SMG9: variants seen among roughly 807,000 people sequenced by gnomAD.
The protein encoded by SMG9 is nonsense-mediated mRNA decay factor SMG9.
Under a neutral mutation model 64.0 loss-of-function variants are expected in SMG9, and 55 were observed. The ratio of observed to expected loss-of-function variants is 0.86; its 90% CI spans 0.69 to 1.08. The LOEUF is 1.08. Among genes scored for constraint, SMG9 ranks in the 50% least tolerant of loss-of-function variants. The probability of loss-of-function intolerance (pLI) is 0.00; values close to 1 mark genes in which losing one functional copy is unlikely to be tolerated. For synonymous variants in SMG9, 244 were observed against 254.8 expected, an observed-to-expected ratio of 0.96 and a Z score of 0.41; for missense variants, 554 against 681.3, an observed-to-expected ratio of 0.81 and a Z score of 2.08.
At chr19:43,733,944 T>C in intron 10 of SMG9, 1 of 589,342 alleles carries the variant, frequency 1.7e-6, no homozygotes, top group East Asian at 2.8e-5. Flanking sequence ...CCTAGTCTCT[T>C]TGAGGCCCTA....
rs144990245 is a variant in SMG9, at chr19:43,753,650, G to A, written c.-7+1004C>T. On this transcript the variant is annotated intron_variant, in intron 1 of 13. Transcript: ENST00000270066. ...TAAGTTTTGCATTTTCAGTAGAGAC[G>A]GGGTTTCGCCATGTTGGCCAGGCTG... Among the ~76,000 whole-genome samples the A allele has an allele frequency of 1.0e-2, 1,514 of 151,904 alleles. 20 individuals are homozygous for A. Among genetic ancestry groups the A allele is most frequent in the African/African-American group, 0.033 (1,362 of 41,440 alleles).
chr19:43,733,994 T>C (rs907971836), intron 10 of SMG9: 22 of 561,796 alleles, frequency 3.9e-5, no homozygotes, highest in Non-Finnish European at 3.8e-5. Context: ...TGAAGAAGAG[T>C]AGAGCGGAGA....
rs755738391 is a variant in SMG9 at position 43,731,726 on chromosome 19, A to G, written c.1485-52T>C. On this transcript the variant is annotated intron_variant, in intron 13 of 13. Coordinates refer to ENST00000270066, the MANE Select transcript of SMG9 (RefSeq NM_019108.4). ...GCCTGGCCGGGGCTCCCCCCAGCCC[A>G]GCACCAACCCGGGACAGGTGGAGAA... 1.9e-6 allele frequency: 3 copies of G among 1,611,116 alleles called. No individual in the cohort carries two copies. The Middle Eastern group carries it at 5.0e-4, about 266-fold the overall frequency.
intron 4 of SMG9, 46 bp from the exon 5 acceptor site, chr19:43,747,585 G>A: frequency 6.2e-7 from 1 of 1,614,134 alleles, no homozygotes; most frequent in South Asian, 1.1e-5. Flanking sequence ...GTGAGGATCT[G>A]TGAGGAGACG....
In SMG9 at chr19:43,740,197, CTG is replaced by C; in HGVS notation, c.721_722del (p.Gln241GlufsTer3). Reference protein sequence around the residue: ...EDQRTYVFRAQSAEMKERGGN... With the variant: ...EDQRTYVFRAXSAEMKERGGN... The stretch of plus-strand genomic sequence containing the variant: ...CCCCTCGTTCCTTCATTTCAGCGCT[CTG>C]GGCCCGGAAAACATAAGTCCTGTGG... On this transcript the variant is annotated frameshift_variant, in exon 7 of 14. Transcript: ENST00000270066. LOFTEE classifies it high-confidence loss of function. The C allele has an allele frequency of 1.2e-6, 2 of 1,614,016 alleles. No individual in the cohort carries two copies. The highest frequency in any genetic ancestry group is 1.7e-6 in the Non-Finnish European group (2 of 1,179,928).
chr19:43,731,706 G>A (rs1188649490), intron 13 of SMG9, 32 bp from the exon 14 acceptor site: 1 of 1,613,836 alleles, frequency 6.2e-7, no homozygotes. Flanking sequence ...GGGCTGCCTG[G>A]CCGGGGCTCC....
chr19:43,734,251 G>T, intron 10 of SMG9, 138 bp downstream of exon 10: 2 of 654,012 alleles, frequency 3.1e-6, no homozygotes, highest in Admixed American at 2.7e-5. Context: ...TTTTGACTTT[G>T]CTCCTCACAA....
In SMG9 at chr19:43,728,188, T is replaced by TG. The variant is rs1968363203; in HGVS notation, c.*3407dup. 1 of 152,208 alleles carries TG rather than the reference T, an allele frequency of 6.6e-6. No individual in the cohort carries two copies. The highest frequency in any genetic ancestry group is 2.4e-5 in the African/African-American group (1 of 41,422). 9.4% of individuals were successfully genotyped at this position (152,208 alleles called of 1,614,324 possible). The stretch of plus-strand genomic sequence containing the variant: ...ACTTGTAGTTTGTAGTCACCACTGT[T>TG]GGAGGTGGGGCCTGGCGGGAGGGAC... On this transcript the variant is annotated 3_prime_UTR_variant, in exon 14 of 14. Transcript: ENST00000270066.
chr19:43,735,320 C>T (rs1396988840), intron 9 of SMG9, among the ~76,000 whole-genome samples: 7 of 152,124 alleles, frequency 4.6e-5, no homozygotes, highest in African/African-American at 1.2e-4. Flanking sequence ...GATACAGCTG[C>T]TATAAACATC....
intron 9 of SMG9, among the ~76,000 whole-genome samples, chr19:43,735,194 T>C (rs1968617128): frequency 1.3e-5 from 2 of 152,236 alleles, no homozygotes; most frequent in Non-Finnish European, 2.9e-5. Flanking sequence ...TATGGTGAGA[T>C]AGCTCATTTC....
intron 1 of SMG9, among the ~76,000 whole-genome samples, chr19:43,752,539 C>T (rs1453982771): frequency 6.6e-6 from 1 of 152,200 alleles, no homozygotes; most frequent in Non-Finnish European, 1.5e-5. Context: ...GATGCAATGG[C>T]AGAGCTGAGA....
chr19:43,731,547 T>G lies in SMG9; in HGVS notation c.*49A>C. On this transcript the variant is annotated 3_prime_UTR_variant, in exon 14 of 14. Coordinates refer to ENST00000270066, the MANE Select transcript of SMG9 (RefSeq NM_019108.4). ...GATGGACATCTGTGCTCCCTCGCAG[T>G]ACACTGCGGACCCAGGAGGTCCCCT... 2 of 1,613,050 alleles carry G rather than the reference T, an allele frequency of 1.2e-6. No homozygotes were observed. The highest frequency in any genetic ancestry group is 1.7e-6 in the Non-Finnish European group (2 of 1,179,308).
At chr19:43,749,206 G>A (rs898463440) in intron 2 of SMG9, among the ~76,000 whole-genome samples, 5 of 152,180 alleles carry the variant, frequency 3.3e-5, no homozygotes, top group Admixed American at 2.0e-4. Flanking sequence ...ATAACCAGGC[G>A]GCAGAATGTA....
chr19:43,752,902 T>TAAAAAAAAAAA (rs775445159), intron 1 of SMG9, among the ~76,000 whole-genome samples: 3,596 of 95,266 alleles, frequency 0.038, 124 homozygotes, highest in Middle Eastern at 0.089. Context: ...AGACCCTGTC[T>TAAAAAAAAAAA]AAAAAAAAAA....
rs1968523014 is a variant in SMG9, at chr19:43,732,753, G to A, written c.1484+105C>T. The A allele has an allele frequency of 2.2e-6, 3 of 1,387,736 alleles. No homozygotes were observed. In the South Asian group the frequency reaches 3.6e-5, roughly 17 times the overall value. The allele number at this position is 1,387,736 out of a possible 1,614,324, so 86.0% of individuals were successfully genotyped here. On this transcript the variant is annotated intron_variant, in intron 13 of 13. Transcript: ENST00000270066. ...GTTCCAGAAAAGGAACCTGGGATCT[G>A]GAGAGGAGGGGCTTCACAAGGTCAT...
rs113829853 is a variant in SMG9 at position 43,731,163 on chromosome 19, T to C, written c.*433A>G. The C allele has an allele frequency of 5.0e-6, 5 of 994,158 alleles. No individual in the cohort carries two copies. The highest frequency in any genetic ancestry group is 6.0e-6 in the Non-Finnish European group (5 of 835,732). The allele number at this position is 994,158 out of a possible 1,614,324, so 61.6% of individuals were successfully genotyped here. ...GAACATAAGAACAGGCTTGCATGAC[T>C]GTGTTTATTTGAACCACCAGATCTG... On this transcript the variant is annotated 3_prime_UTR_variant, in exon 14 of 14. Transcript: ENST00000270066.
chr19:43,745,844 A>C (rs1252538044), intron 5 of SMG9, among the ~76,000 whole-genome samples: 1 of 152,196 alleles, frequency 6.6e-6, no homozygotes, highest in African/African-American at 2.4e-5. Flanking sequence ...TCTACTAAAA[A>C]TACAAAATTA....
intron 6 of SMG9, among the ~76,000 whole-genome samples, chr19:43,744,535 C>G (rs1968939789): frequency 6.6e-6 from 1 of 152,114 alleles, no homozygotes; most frequent in Non-Finnish European, 1.5e-5. Flanking sequence ...TGTACCATTT[C>G]CTGAGGCCAG....
Position 43,730,837 on chromosome 19 carries a change from G to C in SMG9, c.*759C>G, listed in dbSNP as rs1389861925. On this transcript the variant is annotated 3_prime_UTR_variant, in exon 14 of 14. Coordinates refer to ENST00000270066, the MANE Select transcript of SMG9 (RefSeq NM_019108.4). The stretch of plus-strand genomic sequence containing the variant: ...CCTGCCTCGGCCTCCCAAAGTGCTA[G>C]GATTATAGACGTGAGCCACCATGCC... The C allele has an allele frequency of 6.6e-6, 1 of 152,508 alleles. No homozygotes were observed. Among genetic ancestry groups the C allele is most frequent in the Non-Finnish European group, 1.5e-5 (1 of 68,346 alleles). The allele number at this position is 152,508 out of a possible 1,614,324, so 9.4% of individuals were successfully genotyped here.
Sources: allele counts gnomAD v4.1 joint callset (sites outside exome capture counted in the v4.1 genomes callset), GRCh38; gene constraint gnomAD v4.1.1; transcripts MANE v1.5; gene names NCBI Gene and HGNC (gene_info 2026-07-23, HGNC 2026-07-21).